KHDRBS3: variants seen among roughly 807,000 people sequenced by gnomAD.
KHDRBS3 encodes KH domain-containing, RNA-binding, signal transduction-associated protein 3.
In KHDRBS3, 23 loss-of-function variants were observed where a neutral mutation model predicts 45.6. That is an observed-to-expected ratio of 0.50 (90% confidence interval 0.36 to 0.72). The LOEUF is 0.72. Ranked by LOEUF, KHDRBS3 falls within the 30% of genes least tolerant of loss-of-function variation. The pLI is 0.00. For missense variants in KHDRBS3, 352 were observed against 424.8 expected, an observed-to-expected ratio of 0.83 and a Z score of 1.51; for synonymous variants, 162 against 156.5, an observed-to-expected ratio of 1.04 and a Z score of -0.26.
intron 1 of KHDRBS3, among the ~76,000 whole-genome samples, chr8:135,489,309 G>A (rs1823023525): frequency 1.3e-5 from 2 of 152,234 alleles, no homozygotes; most frequent in African/African-American, 4.8e-5. Context: ...TAATGTGTGT[G>A]TGGTAAGATA....
At chr8:135,553,436 A>G (rs965056415) in intron 4 of KHDRBS3, among the ~76,000 whole-genome samples, 11 of 152,014 alleles carry the variant, frequency 7.2e-5, no homozygotes, top group African/African-American at 2.7e-4. Context: ...AACTTACGTG[A>G]TTTTGGACCT....
At chr8:135,468,954 A>G (rs1027078385) in intron 1 of KHDRBS3, among the ~76,000 whole-genome samples, 4 of 152,170 alleles carry the variant, frequency 2.6e-5, no homozygotes, top group African/African-American at 9.6e-5. Flanking sequence ...TAAACTCGTG[A>G]GGGTATTTTT....
intron 7 of KHDRBS3, 121 bp from the exon 8 acceptor site, chr8:135,644,938 T>G: frequency 5.0e-6 from 5 of 993,288 alleles, no homozygotes; most frequent in African/African-American, 1.6e-5. Flanking sequence ...GGTGGGAATT[T>G]CTTTGAATTT....
At chr8:135,510,474 G>A (rs59086693) in intron 1 of KHDRBS3, among the ~76,000 whole-genome samples, 19,367 of 152,122 alleles carry the variant, frequency 0.13, 2,573 homozygotes, top group African/African-American at 0.34. Flanking sequence ...TCACTCTGTC[G>A]CCCAGGCTGG....
intron 6 of KHDRBS3, among the ~76,000 whole-genome samples, chr8:135,584,417 G>T (rs1165874760): frequency 6.6e-6 from 1 of 152,242 alleles, no homozygotes; most frequent in Non-Finnish European, 1.5e-5. Context: ...CATCATGAGT[G>T]CACCTCCTTC....
chr8:135,577,479 T>G (rs1436504777), intron 5 of KHDRBS3, among the ~76,000 whole-genome samples: 1 of 152,178 alleles, frequency 6.6e-6, no homozygotes, highest in Non-Finnish European at 1.5e-5. Flanking sequence ...TTTTAGTATT[T>G]TCAGTATGTC....
At chr8:135,514,924 A>G (rs1443647496) in intron 1 of KHDRBS3, among the ~76,000 whole-genome samples, 1 of 152,182 alleles carries the variant, frequency 6.6e-6, no homozygotes, top group Non-Finnish European at 1.5e-5. Context: ...TCATCAACAA[A>G]GTAATAATTA....
intron 1 of KHDRBS3, among the ~76,000 whole-genome samples, chr8:135,483,929 T>G (rs1822714810): frequency 1.3e-5 from 2 of 152,178 alleles, no homozygotes; most frequent in South Asian, 4.1e-4. Context: ...CTTTGAATGT[T>G]CACTATTTTT....
chr8:135,458,146 AT>A, intron 1 of KHDRBS3, 192 bp downstream of exon 1: 1 of 1,352,690 alleles, frequency 7.4e-7, no homozygotes, highest in Non-Finnish European at 9.5e-7. Context: ...CCTGATGTGA[AT>A]TTTGGGGACT....
At chr8:135,606,895 T>A in intron 6 of KHDRBS3, 60 bp from the exon 7 acceptor site, 1 of 1,296,060 alleles carries the variant, frequency 7.7e-7, no homozygotes, top group Non-Finnish European at 1.1e-6. Flanking sequence ...AAAAGCAGAA[T>A]GCTTCTTTCT....
chr8:135,597,519 A>C (rs1829024464), intron 6 of KHDRBS3, among the ~76,000 whole-genome samples: 1 of 152,062 alleles, frequency 6.6e-6, no homozygotes, highest in South Asian at 2.1e-4. Context: ...TCTTGTCTGT[A>C]AGGATTTCCC....
intron 5 of KHDRBS3, among the ~76,000 whole-genome samples, chr8:135,558,737 C>T (rs1827017462): frequency 6.6e-6 from 1 of 151,874 alleles, no homozygotes; most frequent in South Asian, 2.1e-4. Flanking sequence ...TACTTACCTG[C>T]TTCATTATTT....
chr8:135,572,523 A>G lies in KHDRBS3; in HGVS notation c.612-9355A>G, dbSNP rs185210720. On this transcript the variant is annotated intron_variant, in intron 5 of 8. Transcript: ENST00000355849. ...GAAACACAGAATAAAGAAAAGAAATAACCAATAACCTGCTTCATAAAAGGG... is the reference window on the plus strand; with the variant it reads ...GAAACACAGAATAAAGAAAAGAAATGACCAATAACCTGCTTCATAAAAGGG... Among the ~76,000 whole-genome samples, 45 of 152,330 alleles carry G rather than the reference A, an allele frequency of 3.0e-4. No individual in the cohort carries two copies. The East Asian group carries it at 6.4e-3, about 22-fold the overall frequency.
At chr8:135,480,241 G>A (rs1822496048) in intron 1 of KHDRBS3, among the ~76,000 whole-genome samples, 1 of 152,146 alleles carries the variant, frequency 6.6e-6, no homozygotes, top group Non-Finnish European at 1.5e-5. Flanking sequence ...AAGCAAAGAT[G>A]TTGTCTTTAC....
chr8:135,470,161 C>G (rs550936029), intron 1 of KHDRBS3, among the ~76,000 whole-genome samples: 131 of 152,228 alleles, frequency 8.6e-4, no homozygotes, highest in African/African-American at 2.8e-3. Flanking sequence ...AGTGGTTTAA[C>G]GTTCTGGGTC....
intron 2 of KHDRBS3, among the ~76,000 whole-genome samples, chr8:135,526,360 A>C (rs1239934664): frequency 6.6e-6 from 1 of 151,966 alleles, no homozygotes; most frequent in Non-Finnish European, 1.5e-5. Context: ...TTATAATTTA[A>C]AAATTATAAT....
chr8:135,466,028 C>G (rs1821679599), intron 1 of KHDRBS3, among the ~76,000 whole-genome samples: 1 of 152,144 alleles, frequency 6.6e-6, no homozygotes, highest in Non-Finnish European at 1.5e-5. Flanking sequence ...GCCGTTTGTG[C>G]TCTGCTTTTC....
At chr8:135,588,342 C>T (rs1337074006) in intron 6 of KHDRBS3, among the ~76,000 whole-genome samples, 1 of 152,208 alleles carries the variant, frequency 6.6e-6, no homozygotes, top group Non-Finnish European at 1.5e-5. Context: ...GGGCATTCCA[C>T]ACCCTCTCCA....
rs542510371 is a variant in KHDRBS3, at chr8:135,609,251, T to C, written c.890+2214T>C. On this transcript the variant is annotated intron_variant, in intron 7 of 8. Coordinates refer to ENST00000355849, the MANE Select transcript of KHDRBS3 (RefSeq NM_006558.3). ...ACATTGTACAGCTGTACAAATACATTTCTTCATATCCTTATTCTATATACT... is the reference window on the plus strand; with the variant it reads ...ACATTGTACAGCTGTACAAATACATCTCTTCATATCCTTATTCTATATACT... 3.3e-5 allele frequency among the ~76,000 whole-genome samples: 5 copies of C among 152,194 alleles called. No homozygotes were observed. In the South Asian group the frequency reaches 1.0e-3, roughly 32 times the overall value.
Sources: gnomAD v4.1 joint callset for allele counts (sites outside exome capture counted in the v4.1 genomes callset) on GRCh38, gnomAD v4.1.1 for gene constraint, MANE v1.5 for transcripts, NCBI Gene and HGNC (gene_info 2026-07-23, HGNC 2026-07-21) for gene names.